Variants in WHRN observed in about 807,000 individuals in gnomAD.
WHRN encodes the protein whirlin.
A neutral mutation model predicts 68.3 loss-of-function variants in WHRN; 41 were observed. The ratio of observed to expected loss-of-function variants is 0.60; its 90% confidence interval spans 0.47 to 0.78. The LOEUF (loss-of-function observed/expected upper bound fraction) is 0.78, where lower values mean the gene tolerates loss of function less well. WHRN is among the 30% of genes least tolerant of loss of function. The pLI is 0.00. For synonymous variants in WHRN, 560 were observed against 561.3 expected, an observed-to-expected ratio of 1.00 and a Z score of 0.03; for missense variants, 1,243 against 1,244.7, an observed-to-expected ratio of 1.00 and a Z score of 0.02.
intron 1 of WHRN, among the ~76,000 whole-genome samples, chr9:114,490,910 T>A (rs1451531684): frequency 6.6e-6 from 1 of 152,238 alleles, no homozygotes; most frequent in Non-Finnish European, 1.5e-5. Context: ...TTAATGCAAT[T>A]CTTCAATTAT....
intron 7 of WHRN, among the ~76,000 whole-genome samples, chr9:114,409,120 T>C (rs1835247024): frequency 6.6e-6 from 1 of 152,228 alleles, no homozygotes; most frequent in South Asian, 2.1e-4. Context: ...TATAACTGAT[T>C]GCTTCTCTTT....
chr9:114,462,834 A>G (rs932237213), intron 3 of WHRN, among the ~76,000 whole-genome samples: 5 of 152,202 alleles, frequency 3.3e-5, no homozygotes, highest in African/African-American at 1.2e-4. Context: ...TGTAATAATG[A>G]ATAAGAAGTA....
chr9:114,466,205 T>C, intron 3 of WHRN, 62 bp downstream of exon 3: 2 of 1,609,910 alleles, frequency 1.2e-6, no homozygotes, highest in Non-Finnish European at 1.7e-6. Flanking sequence ...TGGAGGTCTA[T>C]TTAAAATCAG....
intron 3 of WHRN, among the ~76,000 whole-genome samples, chr9:114,438,653 C>T (rs1207943741): frequency 6.6e-6 from 1 of 151,960 alleles, no homozygotes; most frequent in Non-Finnish European, 1.5e-5. Flanking sequence ...GGGGTTTCAC[C>T]TGTTAGCCAG....
At chr9:114,439,240 A>C (rs1035332483) in intron 3 of WHRN, among the ~76,000 whole-genome samples, 1 of 152,220 alleles carries the variant, frequency 6.6e-6, no homozygotes, top group Non-Finnish European at 1.5e-5. Context: ...TAAATCAATA[A>C]AGATGGGGGA....
Position 114,402,648 on chromosome 9 carries a change from C to T in WHRN, c.*106G>A. The T allele has an allele frequency of 7.0e-7, 1 of 1,427,480 alleles. No homozygotes were observed. Among genetic ancestry groups the T allele is most frequent in the Non-Finnish European group, 9.8e-7 (1 of 1,021,322 alleles). 88.4% of individuals were successfully genotyped at this position (1,427,480 alleles called of 1,614,324 possible). A position where few individuals can be genotyped will look rare whatever the true frequency, so the allele number is the denominator to read the frequency against. On this transcript the variant is annotated 3_prime_UTR_variant, in exon 12 of 12. Coordinates refer to ENST00000362057, the MANE Select transcript of WHRN (RefSeq NM_015404.4). ...TGGAGGGGGGATGTCTTCCTGCCAC[C>T]CTGGCCATGCAGCCCCAACCCCGCA...
chr9:114,429,763 C>T (rs1837243693), intron 3 of WHRN, among the ~76,000 whole-genome samples: 1 of 152,186 alleles, frequency 6.6e-6, no homozygotes, highest in South Asian at 2.1e-4. Flanking sequence ...TCCCTCCTCC[C>T]CTCTCTCTCC....
In WHRN at chr9:114,402,836, G is replaced by C; in HGVS notation, c.2642C>G (p.Ala881Gly). Residue 881 changes from alanine to glycine, a missense_variant, in exon 12 of 12, where the codon GCC becomes GGC. Coordinates refer to ENST00000362057, the MANE Select transcript of WHRN (RefSeq NM_015404.4). ...CTTGAAGGCCTCGGCGATAATGCGG[G>C]CGGCCTCCCGGTGCTCCTTGCCCCG... Reference protein sequence around the residue: ...TLRGKEHREAARIIAEAFKTK... With the variant: ...TLRGKEHREAGRIIAEAFKTK... The C allele has an allele frequency of 6.2e-7, 1 of 1,614,130 alleles. No individual in the cohort carries two copies. The highest frequency in any genetic ancestry group is 1.1e-5 in the South Asian group (1 of 91,090).
intron 3 of WHRN, among the ~76,000 whole-genome samples, chr9:114,443,157 G>C (rs1193860271): frequency 2.6e-5 from 4 of 152,202 alleles, no homozygotes; most frequent in Admixed American, 6.5e-5. Context: ...TATTAGACAA[G>C]AGCCAAGTGC....
At chr9:114,483,774 TG>T (rs1193715079) in intron 1 of WHRN, among the ~76,000 whole-genome samples, 1 of 152,238 alleles carries the variant, frequency 6.6e-6, no homozygotes, top group Non-Finnish European at 1.5e-5. Flanking sequence ...ATGAGCAGGT[TG>T]GACCTGTTTG....
Position 114,403,214 on chromosome 9 carries a change from T to C in WHRN, c.2541+3A>G, listed in dbSNP as rs1243315918. ...ATGGCAAGTGGGGCCCCTGGGGACA[T>C]ACCTGAATAGTGACAATCCTAGGCA... On this transcript the variant is annotated splice_donor_region_variant and intron_variant, in intron 11 of 11. Coordinates refer to ENST00000362057, the MANE Select transcript of WHRN (RefSeq NM_015404.4). The C allele has an allele frequency of 1.4e-5, 23 of 1,614,038 alleles. No individual in the cohort carries two copies. Among genetic ancestry groups the C allele is most frequent in the East Asian group, 2.2e-5 (1 of 44,882 alleles).
intron 7 of WHRN, among the ~76,000 whole-genome samples, chr9:114,419,533 C>CTTGCCT (rs1836094760): frequency 1.3e-5 from 2 of 152,164 alleles, no homozygotes; most frequent in African/African-American, 2.4e-5. Flanking sequence ...AGAGCTGTGA[C>CTTGCCT]CAAAGGAAGC....
chr9:114,412,094 G>A (rs904434109), intron 7 of WHRN, among the ~76,000 whole-genome samples: 2 of 152,316 alleles, frequency 1.3e-5, no homozygotes, highest in Admixed American at 6.5e-5. Flanking sequence ...TGTCAGGGAG[G>A]CCTGAAGTGG....
At chr9:114,489,101 C>G (rs528033720) in intron 1 of WHRN, among the ~76,000 whole-genome samples, 36 of 152,298 alleles carry the variant, frequency 2.4e-4, no homozygotes, top group African/African-American at 8.4e-4. Context: ...ACGTGATGCT[C>G]TGTCCCTGAA....
chr9:114,431,681 CTGTT>C (rs1488840102), intron 3 of WHRN, among the ~76,000 whole-genome samples: 1 of 152,230 alleles, frequency 6.6e-6, no homozygotes, highest in African/African-American at 2.4e-5. Context: ...ACTAAGAGCT[CTGTT>C]TGTTTGTTCA....
chr9:114,468,304 C>A (rs148607650), intron 2 of WHRN, among the ~76,000 whole-genome samples: 1 of 152,292 alleles, frequency 6.6e-6, no homozygotes, highest in East Asian at 1.9e-4. Flanking sequence ...CATGACAAGT[C>A]TTGTTGGGAA....
At chr9:114,442,009 G>C (rs1313185839) in intron 3 of WHRN, among the ~76,000 whole-genome samples, 1 of 152,178 alleles carries the variant, frequency 6.6e-6, no homozygotes, top group East Asian at 1.9e-4. Flanking sequence ...ATCAAAGCTA[G>C]CATGATCCTG....
At chr9:114,460,392 A>G (rs964075862) in intron 3 of WHRN, among the ~76,000 whole-genome samples, 1 of 152,246 alleles carries the variant, frequency 6.6e-6, no homozygotes, top group South Asian at 2.1e-4. Flanking sequence ...AAGTGTATCT[A>G]ATGTGTTGAG....
At position 114,483,772 on chromosome 9, in the gene WHRN, G is replaced by A. The variant is rs569638544; in HGVS notation, c.619-5001C>T. On this transcript the variant is annotated intron_variant, in intron 1 of 11. Transcript: ENST00000362057. ...GGTTTTGCCCTCTGGCAATGAGCAG[G>A]TTGGACCTGTTTGCTAAGATCCTGT... 2.0e-5 allele frequency among the ~76,000 whole-genome samples: 3 copies of A among 152,334 alleles called. No homozygotes were observed. In the East Asian group the frequency reaches 5.8e-4, roughly 29 times the overall value.
Sources: gnomAD v4.1 joint callset for allele counts (sites outside exome capture counted in the v4.1 genomes callset) on GRCh38, gnomAD v4.1.1 for gene constraint, MANE v1.5 for transcripts, NCBI Gene and HGNC (gene_info 2026-07-23, HGNC 2026-07-21) for gene names.